ZC3H13: variants seen among roughly 807,000 people sequenced by gnomAD.
ZC3H13 encodes the protein zinc finger CCCH domain-containing protein 13.
A neutral mutation model predicts 204.1 loss-of-function variants in ZC3H13; 64 were observed. The ratio of observed to expected loss-of-function variants is 0.31; its 90% CI spans 0.26 to 0.39. The LOEUF (loss-of-function observed/expected upper bound fraction) is 0.39, where lower values mean the gene tolerates loss of function less well. Among genes scored for constraint, ZC3H13 ranks in the 10% least tolerant of loss-of-function variants. The pLI, the probability that ZC3H13 is intolerant of heterozygous loss-of-function variation, is 1.00. For missense variants in ZC3H13, 1,833 were observed against 2,082.7 expected, an observed-to-expected ratio of 0.88 and a Z score of 2.33; for synonymous variants, 667 against 693.7, an observed-to-expected ratio of 0.96 and a Z score of 0.60.
chr13:45,961,610 C>T (rs554645113), intron 17 of ZC3H13, among the ~76,000 whole-genome samples: 2 of 111,576 alleles, frequency 1.8e-5, no homozygotes, highest in Non-Finnish European at 3.8e-5. Flanking sequence ...TTAATGGGTA[C>T]AAAAAAAAAA....
chr13:45,994,256 G>A (rs542869366), intron 8 of ZC3H13, among the ~76,000 whole-genome samples: 6 of 152,224 alleles, frequency 3.9e-5, no homozygotes, highest in South Asian at 4.1e-4. Flanking sequence ...TTAATCAAAC[G>A]TTTATGTTAT....
chr13:45,966,222 C>T (rs1296932564), intron 15 of ZC3H13, among the ~76,000 whole-genome samples: 1 of 152,122 alleles, frequency 6.6e-6, no homozygotes, highest in African/African-American at 2.4e-5. Context: ...TTCACTGAAT[C>T]TACAATACTA....
chr13:46,049,605 A>C (rs1270243071), intron 1 of ZC3H13, among the ~76,000 whole-genome samples: 1 of 152,212 alleles, frequency 6.6e-6, no homozygotes, highest in Non-Finnish European at 1.5e-5. Context: ...ACAGCAGAAA[A>C]ACATTTCCTT....
At chr13:45,957,778 CATTCT>C (rs1294008592) in intron 18 of ZC3H13, among the ~76,000 whole-genome samples, 2 of 152,174 alleles carry the variant, frequency 1.3e-5, no homozygotes, top group Non-Finnish European at 2.9e-5. Flanking sequence ...GTAAGCCAAA[CATTCT>C]ATTCTATACT....
intron 1 of ZC3H13, among the ~76,000 whole-genome samples, chr13:46,049,351 A>G (rs1223492291): frequency 6.6e-6 from 1 of 152,094 alleles, no homozygotes; most frequent in Non-Finnish European, 1.5e-5. Context: ...TGATATATAT[A>G]TGTGTGTGTG....
chr13:46,038,937 G>T (rs915243124), intron 4 of ZC3H13, among the ~76,000 whole-genome samples: 1 of 152,090 alleles, frequency 6.6e-6, no homozygotes, highest in African/African-American at 2.4e-5. Flanking sequence ...CTGGAGAATC[G>T]CTTGAACCTA....
chr13:46,023,850 C>T (rs2042371504), intron 4 of ZC3H13, among the ~76,000 whole-genome samples: 2 of 152,258 alleles, frequency 1.3e-5, no homozygotes, highest in South Asian at 4.1e-4. Flanking sequence ...TTATCTCTTA[C>T]CATAATAAGA....
chr13:45,962,601 T>C (rs950716121), intron 17 of ZC3H13: 1 of 984,862 alleles, frequency 1.0e-6, no homozygotes, highest in African/African-American at 1.7e-5. Context: ...ATATGTATTT[T>C]GTACATGTAT....
At chr13:46,024,331 T>C (rs1235440493) in intron 4 of ZC3H13, among the ~76,000 whole-genome samples, 1 of 152,248 alleles carries the variant, frequency 6.6e-6, no homozygotes, top group Non-Finnish European at 1.5e-5. Flanking sequence ...TCCTGATGTA[T>C]ATCCTTTTAA....
At chr13:46,040,747 C>T (rs1173848709) in intron 4 of ZC3H13, among the ~76,000 whole-genome samples, 5 of 152,040 alleles carry the variant, frequency 3.3e-5, no homozygotes, top group Admixed American at 1.3e-4. Flanking sequence ...ACACTTGTAA[C>T]TCAATAATAA....
intron 12 of ZC3H13, among the ~76,000 whole-genome samples, chr13:45,972,023 T>C (rs1382361826): frequency 1.3e-5 from 2 of 151,784 alleles, no homozygotes; most frequent in Admixed American, 6.6e-5. Context: ...ATAGACATGG[T>C]GAAAAGGGAA....
At chr13:45,988,107 C>T (rs143951969) in intron 9 of ZC3H13, among the ~76,000 whole-genome samples, 2 of 152,150 alleles carry the variant, frequency 1.3e-5, no homozygotes, top group African/African-American at 4.8e-5. Flanking sequence ...TTTCAAACTA[C>T]GCTCTCTGAT....
chr13:46,036,238 A>G (rs1054757192), intron 4 of ZC3H13, among the ~76,000 whole-genome samples: 4 of 152,050 alleles, frequency 2.6e-5, no homozygotes, highest in African/African-American at 9.7e-5. Context: ...TAATAATTGC[A>G]TGGGCATTCT....
chr13:46,024,428 G>A (rs1458792813), intron 4 of ZC3H13, among the ~76,000 whole-genome samples: 2 of 152,076 alleles, frequency 1.3e-5, no homozygotes, highest in African/African-American at 2.4e-5. Context: ...ATTCCTGAAA[G>A]CCAGACTTTG....
At chr13:45,996,104 T>A (rs908940353) in intron 8 of ZC3H13, among the ~76,000 whole-genome samples, 8 of 152,224 alleles carry the variant, frequency 5.3e-5, no homozygotes, top group African/African-American at 1.9e-4. Context: ...CCAAGAAGAT[T>A]TTGTGTTTAA....
chr13:45,976,735 C>A (rs1953082940), intron 11 of ZC3H13, among the ~76,000 whole-genome samples: 1 of 152,122 alleles, frequency 6.6e-6, no homozygotes, highest in Non-Finnish European at 1.5e-5. Context: ...AAAGAGACAG[C>A]CATTTTTGAA....
At position 46,052,693 on chromosome 13, in the gene ZC3H13, A is replaced by C. The variant is rs965829112; in HGVS notation, c.-299T>G. 1 of 398,508 alleles carries C rather than the reference A, an allele frequency of 2.5e-6. No individual in the cohort carries two copies. The highest frequency in any genetic ancestry group is 4.4e-5 in the Admixed American group (1 of 22,710). 24.7% of individuals were successfully genotyped at this position (398,508 alleles called of 1,614,324 possible). On this transcript the variant is annotated 5_prime_UTR_variant, in exon 1 of 19. Coordinates refer to ENST00000679008, the MANE Select transcript of ZC3H13 (RefSeq NM_001330564.2). ...TAGATTAAGAAAAGGCAACAAAAAC[A>C]CTACCAGGCCGCTAGGAGGACCGCC...
intron 2 of ZC3H13, 102 bp downstream of exon 2, chr13:46,045,289 C>T: frequency 8.9e-7 from 1 of 1,122,878 alleles, no homozygotes; most frequent in Non-Finnish European, 1.3e-6. Context: ...ACTGAACAAA[C>T]ATTCCTACAA....
chr13:46,025,442 C>A (rs2042484123), intron 4 of ZC3H13, among the ~76,000 whole-genome samples: 1 of 151,988 alleles, frequency 6.6e-6, no homozygotes, highest in South Asian at 2.1e-4. Context: ...ACAGCTGGAA[C>A]TACTGGTACA....
Sources: gnomAD v4.1 joint callset for allele counts (sites outside exome capture counted in the v4.1 genomes callset) on GRCh38, gnomAD v4.1.1 for gene constraint, MANE v1.5 for transcripts, NCBI Gene and HGNC (gene_info 2026-07-23, HGNC 2026-07-21) for gene names.